Variants in RBFOX1 observed in about 807,000 individuals in gnomAD.
RBFOX1 encodes the protein RNA binding protein fox-1 homolog 1.
Under a neutral mutation model 57.7 loss-of-function variants are expected in RBFOX1, and 8 were observed. That is an observed-to-expected ratio of 0.14 (90% CI 0.08 to 0.25). RBFOX1 has a LOEUF of 0.25. RBFOX1 is among the 10% of genes least tolerant of loss of function. RBFOX1 has a pLI of 1.00. For missense variants in RBFOX1, 611 were observed against 548.5 expected (o/e 1.11, Z -1.14); for synonymous variants, 326 against 222.4 (o/e 1.47, Z -4.15).
intron 2 of RBFOX1, among the ~76,000 whole-genome samples, chr16:6,579,926 G>C (rs750543935): frequency 1.3e-5 from 2 of 151,942 alleles, no homozygotes; most frequent in Admixed American, 6.6e-5. Flanking sequence ...CTATGTATAG[G>C]TTCATGGACC....
At chr16:7,254,031 C>G (rs929926886) in intron 4 of RBFOX1, among the ~76,000 whole-genome samples, 3 of 152,116 alleles carry the variant, frequency 2.0e-5, no homozygotes, top group Admixed American at 6.6e-5. Flanking sequence ...GTAAATCCTC[C>G]TAACATGTTT....
intron 3 of RBFOX1, among the ~76,000 whole-genome samples, chr16:6,885,655 C>G (rs561238225): frequency 6.6e-6 from 1 of 152,170 alleles, no homozygotes; most frequent in Non-Finnish European, 1.5e-5. Context: ...CCTTAGCCTC[C>G]CTAGTAGCTG....
intron 4 of RBFOX1, chr16:7,332,651 G>T: frequency 1.9e-6 from 1 of 515,836 alleles, no homozygotes; most frequent in Non-Finnish European, 2.7e-6. Context: ...TCTGTCACTT[G>T]GTCTCTTGGT....
intron 4 of RBFOX1, among the ~76,000 whole-genome samples, chr16:7,341,338 C>A (rs1379219551): frequency 2.6e-5 from 4 of 152,190 alleles, no homozygotes; most frequent in African/African-American, 9.6e-5. Flanking sequence ...AACTAGGAGG[C>A]AAAGGCTCCA....
intron 3 of RBFOX1, among the ~76,000 whole-genome samples, chr16:6,993,055 G>A (rs1430378605): frequency 6.6e-6 from 1 of 152,102 alleles, no homozygotes; most frequent in African/African-American, 2.4e-5. Context: ...GCTGGAGCCT[G>A]GTCCTCACAG....
At chr16:5,984,894 G>T (rs1380183538) in intron 4 of RBFOX1, among the ~76,000 whole-genome samples, 3 of 140,154 alleles carry the variant, frequency 2.1e-5, no homozygotes, top group African/African-American at 8.2e-5. Context: ...ACATAGAAAA[G>T]GTACAGTAAA....
chr16:6,941,316 TTCC>T (rs1567990931), intron 3 of RBFOX1, among the ~76,000 whole-genome samples: 1 of 105,954 alleles, frequency 9.4e-6, no homozygotes, highest in African/African-American at 3.8e-5. Flanking sequence ...CCTTCCTTCC[TTCC>T]TTCCTTCCTT....
intron 3 of RBFOX1, among the ~76,000 whole-genome samples, chr16:6,982,256 T>A (rs1464616658): frequency 6.6e-6 from 1 of 152,204 alleles, no homozygotes; most frequent in Non-Finnish European, 1.5e-5. Flanking sequence ...TGCTTTCAAT[T>A]TGAAAACCCT....
intron 2 of RBFOX1, among the ~76,000 whole-genome samples, chr16:6,541,812 G>A (rs2096823937): frequency 1.3e-5 from 2 of 152,158 alleles, no homozygotes; most frequent in African/African-American, 4.8e-5. Flanking sequence ...TGGAAGAGGT[G>A]AGCGAAAAAG....
intron 4 of RBFOX1, among the ~76,000 whole-genome samples, chr16:7,509,965 G>A (rs1306882335): frequency 1.8e-5 from 1 of 55,932 alleles, no homozygotes; most frequent in Non-Finnish European, 5.5e-5. Flanking sequence ...TCGAGCAGTG[G>A]GTTTTTTTTT....
At chr16:6,611,569 C>A (rs1004007686) in intron 2 of RBFOX1, among the ~76,000 whole-genome samples, 3 of 152,188 alleles carry the variant, frequency 2.0e-5, no homozygotes, top group African/African-American at 7.2e-5. Flanking sequence ...ACATGAGACT[C>A]CACAGTGAGC....
chr16:7,630,374 C>T (rs757829617), intron 10 of RBFOX1, among the ~76,000 whole-genome samples: 7 of 149,186 alleles, frequency 4.7e-5, no homozygotes, highest in South Asian at 4.5e-4. Flanking sequence ...TACACAACCC[C>T]GTGTGAAAAG....
chr16:6,958,496 C>G (rs779561499), intron 3 of RBFOX1, among the ~76,000 whole-genome samples: 1 of 152,068 alleles, frequency 6.6e-6, no homozygotes, highest in Non-Finnish European at 1.5e-5. Flanking sequence ...TTCTGTGATA[C>G]AATGGTCTGT....
rs2073515259 is a variant in RBFOX1 at position 7,677,126 on chromosome 16, T to TACATACACACACACAC, written c.995+291_995+292insTACACACACACACACA. On this transcript the variant is annotated intron_variant, in intron 14 of 15. Coordinates refer to ENST00000550418, the MANE Select transcript of RBFOX1 (RefSeq NM_018723.4). ...TCTGTGACAACGCACCTTGCTCACATACACATACACACACACACACACACA... is the reference window on the plus strand; with the variant it reads ...TCTGTGACAACGCACCTTGCTCACATACATACACACACACACACACATACACACACACACACACACA... Among the ~76,000 whole-genome samples, 4 of 51,172 alleles carry TACATACACACACACAC rather than the reference T, an allele frequency of 7.8e-5. No individual in the cohort carries two copies. In the Admixed American group the frequency reaches 9.5e-4, roughly 12 times the overall value. The allele number at this position is 51,172 out of a possible 152,430, so 33.6% of individuals were successfully genotyped here.
chr16:5,495,012 C>A (rs75617593), intron 2 of RBFOX1, among the ~76,000 whole-genome samples: 1 of 152,104 alleles, frequency 6.6e-6, no homozygotes, highest in Non-Finnish European at 1.5e-5. Context: ...TGTATTAGTT[C>A]GTTCTCATAC....
chr16:5,819,476 C>T (rs1355537337), intron 3 of RBFOX1, among the ~76,000 whole-genome samples: 20 of 152,206 alleles, frequency 1.3e-4, no homozygotes, highest in Non-Finnish European at 8.8e-5. Flanking sequence ...AAAAGCATGA[C>T]CTCACTGTGC....
At chr16:5,504,424 G>T (rs749704235) in intron 2 of RBFOX1, among the ~76,000 whole-genome samples, 49 of 152,356 alleles carry the variant, frequency 3.2e-4, no homozygotes, top group African/African-American at 3.6e-4. Context: ...CCATTGAGAA[G>T]CAGTTTCCTG....
rs549148735 is a variant in RBFOX1, at chr16:5,269,208, C to T, written c.219+29103C>T. Among the ~76,000 whole-genome samples, 6 of 152,334 alleles carry T rather than the reference C, an allele frequency of 3.9e-5. No individual in the cohort carries two copies. The East Asian group carries it at 9.6e-4, about 24-fold the overall frequency. ...CTGGGATTACAGGCATGAGCCACCGCACCAGGCCAATTTTCTGTATCTTCA... is the reference window on the plus strand; with the variant it reads ...CTGGGATTACAGGCATGAGCCACCGTACCAGGCCAATTTTCTGTATCTTCA... On this transcript the variant is annotated intron_variant, in intron 1 of 2. Coordinates refer to the RBFOX1 transcript ENST00000585867.
chr16:7,522,762 G>A (rs1274783612), intron 5 of RBFOX1, among the ~76,000 whole-genome samples: 5 of 152,164 alleles, frequency 3.3e-5, no homozygotes, highest in Non-Finnish European at 7.4e-5. Context: ...TGTTTTATAG[G>A]CGATAAGAAG....
Sources: allele counts gnomAD v4.1 joint callset (sites outside exome capture counted in the v4.1 genomes callset), GRCh38; gene constraint gnomAD v4.1.1; transcripts MANE v1.5; gene names NCBI Gene and HGNC (gene_info 2026-07-23, HGNC 2026-07-21).